ITSN2: variants seen among roughly 807,000 people sequenced by gnomAD.
ITSN2 encodes intersectin 2.
ITSN2 carries 156 observed loss-of-function variants against 243.7 expected under a neutral mutation model. That is an observed-to-expected ratio of 0.64 (90% CI 0.56 to 0.73). The LOEUF (loss-of-function observed/expected upper bound fraction) is 0.73. Among genes scored for constraint, ITSN2 ranks in the 30% least tolerant of loss-of-function variants. The pLI, the probability that ITSN2 is intolerant of heterozygous loss-of-function variation, is 0.00. For synonymous variants in ITSN2, 703 were observed against 699.9 expected (o/e 1.00, Z -0.07); for missense variants, 1,801 against 1,996.1 (o/e 0.90, Z 1.86).
rs546824501 is a variant in ITSN2, at chr2:24,328,823, G to C, written c.-33-708C>G. Among the ~76,000 whole-genome samples, 11 of 152,262 alleles carry C rather than the reference G, an allele frequency of 7.2e-5. No individual in the cohort carries two copies. The South Asian group carries it at 2.1e-3, about 29-fold the overall frequency. On this transcript the variant is annotated intron_variant, in intron 1 of 39. Transcript: ENST00000355123. ...AAATATTCAAAATAAATGTAGCGCA[G>C]CTGTTTAAATGAGCTCAAGGGGTTT... is the stretch of plus-strand genomic sequence containing the variant.
At chr2:24,224,288 T>G (rs1670801870) in intron 29 of ITSN2, among the ~76,000 whole-genome samples, 1 of 152,246 alleles carries the variant, frequency 6.6e-6, no homozygotes, top group South Asian at 2.1e-4. Flanking sequence ...AATATTTTTC[T>G]CTAAACGTAC....
chr2:24,333,230 C>G (rs1331208161), intron 1 of ITSN2, among the ~76,000 whole-genome samples: 1 of 152,184 alleles, frequency 6.6e-6, no homozygotes, highest in Non-Finnish European at 1.5e-5. Context: ...CAGGTTCCTA[C>G]AAACAGCAGG....
At chr2:24,312,190 A>T in intron 5 of ITSN2, 22 bp downstream of exon 5, 1 of 1,570,106 alleles carries the variant, frequency 6.4e-7, no homozygotes, top group East Asian at 2.3e-5. Flanking sequence ...AAATACAGGT[A>T]TTTAAATTAA....
intron 29 of ITSN2, among the ~76,000 whole-genome samples, chr2:24,243,617 C>T (rs1482371449): frequency 6.6e-6 from 1 of 152,132 alleles, no homozygotes; most frequent in Non-Finnish European, 1.5e-5. Flanking sequence ...TAGGGATATG[C>T]CACCACACTC....
chr2:24,293,997 G>A (rs1680619513), intron 14 of ITSN2, among the ~76,000 whole-genome samples: 1 of 152,222 alleles, frequency 6.6e-6, no homozygotes, highest in African/African-American at 2.4e-5. Flanking sequence ...TTAAAAGGCA[G>A]TGAAGAAAGC....
chr2:24,326,699 G>A (rs956415954), intron 2 of ITSN2: 4 of 168,926 alleles, frequency 2.4e-5, no homozygotes, highest in South Asian at 2.0e-4. Context: ...GGTAAAACAC[G>A]AAACAACAAA....
chr2:24,218,161 A>C, intron 30 of ITSN2, 148 bp from the exon 31 acceptor site: 1 of 608,352 alleles, frequency 1.6e-6, no homozygotes, highest in Non-Finnish European at 2.9e-6. Flanking sequence ...AAATAAGCAT[A>C]CTTATGACAC....
chr2:24,242,677 A>G (rs1435648309), intron 29 of ITSN2, among the ~76,000 whole-genome samples: 2 of 152,200 alleles, frequency 1.3e-5, no homozygotes, highest in Non-Finnish European at 2.9e-5. Context: ...CAAAATCGGT[A>G]CGCCTCACTT....
At position 24,204,454 on chromosome 2, in the gene ITSN2, T is replaced by C. The variant is rs374885580; in HGVS notation, c.4763-36A>G. 4.4e-6 allele frequency: 7 copies of C among 1,607,630 alleles called. No individual in the cohort carries two copies. In the African/African-American group the frequency reaches 9.4e-5, roughly 22 times the overall value. On this transcript the variant is annotated intron_variant, in intron 38 of 39. Transcript: ENST00000355123. This position sits in a 1 kb window ranked among gnomAD's most constrained non-coding sequence, Gnocchi z 5.1. ...ACAAACCACAGACACATGTGGTGCATGCAGGTAAAACGAAGCGACTGACAG... is the reference window on the plus strand; with the variant it reads ...ACAAACCACAGACACATGTGGTGCACGCAGGTAAAACGAAGCGACTGACAG...
chr2:24,358,973 C>T (rs1312771623), intron 1 of ITSN2, among the ~76,000 whole-genome samples: 1 of 152,166 alleles, frequency 6.6e-6, no homozygotes, highest in Non-Finnish European at 1.5e-5. Context: ...TTTTCAACTG[C>T]TTATTAATAT....
chr2:24,298,119 G>A (rs1222215810), intron 13 of ITSN2, among the ~76,000 whole-genome samples: 2 of 151,602 alleles, frequency 1.3e-5, no homozygotes, highest in African/African-American at 4.8e-5. Context: ...CAAGTAGCTA[G>A]GATTACAGGC....
chr2:24,322,366 A>G (rs1684670923), intron 2 of ITSN2, among the ~76,000 whole-genome samples: 1 of 152,236 alleles, frequency 6.6e-6, no homozygotes, highest in Non-Finnish European at 1.5e-5. Context: ...AGGCAAGACT[A>G]GCGTCTACTC....
rs778220847 is a variant in ITSN2, at chr2:24,204,439, G to GAC, written c.4763-23_4763-22dup. 6.2e-7 allele frequency: 1 copy of GAC among 1,608,152 alleles called. No individual in the cohort carries two copies. The highest frequency in any genetic ancestry group is 8.5e-7 in the Non-Finnish European group (1 of 1,174,630). On this transcript the variant is annotated intron_variant, in intron 38 of 39. Coordinates refer to ENST00000355123, the MANE Select transcript of ITSN2 (RefSeq NM_006277.3). The surrounding 1 kb of genome is among the most constrained non-coding windows in gnomAD (Gnocchi z 5.1). ...CTTTCCTGAACAAAAACAAACCACA[G>GAC]ACACATGTGGTGCATGCAGGTAAAA...
At chr2:24,355,986 T>C (rs1688410913) in intron 1 of ITSN2, among the ~76,000 whole-genome samples, 1 of 152,078 alleles carries the variant, frequency 6.6e-6, no homozygotes, top group Non-Finnish European at 1.5e-5. Flanking sequence ...GTGGATCACC[T>C]GAGGTCAGGA....
intron 37 of ITSN2, chr2:24,205,535 A>G: frequency 2.2e-6 from 1 of 460,504 alleles, no homozygotes; most frequent in South Asian, 2.1e-5. Flanking sequence ...CTCATCCTTC[A>G]AGATGCAGGT....
At chr2:24,301,892 ATATT>A in intron 10 of ITSN2, 69 bp downstream of exon 10, 1 of 1,367,000 alleles carries the variant, frequency 7.3e-7, no homozygotes, top group Non-Finnish European at 9.9e-7. Flanking sequence ...GGCAGTGCAA[ATATT>A]TAACTCTCTT....
intron 14 of ITSN2, among the ~76,000 whole-genome samples, chr2:24,294,731 GC>G (rs1297015142): frequency 6.6e-6 from 1 of 152,136 alleles, no homozygotes; most frequent in Admixed American, 6.5e-5. Context: ...AAAATTAGTA[GC>G]AATAACCTTA....
Position 24,293,737 on chromosome 2 carries a change from C to T in ITSN2, c.1674G>A (p.Lys558=), listed in dbSNP as rs764120734. The T allele has an allele frequency of 4.9e-6, 6 of 1,230,382 alleles. No homozygotes were observed. Among genetic ancestry groups the T allele is most frequent in the Non-Finnish European group, 6.9e-6 (6 of 873,312 alleles). The allele number at this position is 1,230,382 out of a possible 1,614,324, so 76.2% of individuals were successfully genotyped here. The change falls in exon 15 of 40, where the codon AAG becomes AAA. Residue 558 remains lysine, a synonymous_variant. Transcript: ENST00000355123. ...QNKLIYLVPE[K]QLLNERIKNM... ...TTTTAATTCTTTCATTTAATAATTG[C>T]TTCTCAGGTACCAGATAGATAAGCT...
At chr2:24,319,748 C>T (rs771737753) in intron 2 of ITSN2, among the ~76,000 whole-genome samples, 10 of 152,332 alleles carry the variant, frequency 6.6e-5, no homozygotes, top group Admixed American at 3.9e-4. Flanking sequence ...GTAGGTCCCA[C>T]GGCAGTAGGG....
Sources: allele counts gnomAD v4.1 joint callset (sites outside exome capture counted in the v4.1 genomes callset), GRCh38; gene constraint gnomAD v4.1.1; non-coding constraint Gnocchi (gnomAD v3.1); transcripts MANE v1.5; gene names NCBI Gene and HGNC (gene_info 2026-07-23, HGNC 2026-07-21).